ST7: variants seen among roughly 807,000 people sequenced by gnomAD.
ST7 encodes suppressor of tumorigenicity 7 protein.
ST7 carries 28 observed loss-of-function variants against 78.7 expected under a neutral mutation model. The observed-to-expected ratio is 0.36, with a 90% CI of 0.26 to 0.49. The LOEUF is 0.49. ST7 is among the 20% of genes least tolerant of loss of function. The pLI is 0.99. For missense variants in ST7, 418 were observed against 696.0 expected (o/e 0.60, Z 4.49); for synonymous variants, 247 against 249.6 (o/e 0.99, Z 0.10).
At chr7:117,201,104 C>G (rs559686027) in intron 12 of ST7, among the ~76,000 whole-genome samples, 3 of 152,140 alleles carry the variant, frequency 2.0e-5, no homozygotes, top group African/African-American at 7.2e-5. Context: ...TTTTAAAATG[C>G]TTGAAGCGTG....
chr7:116,966,191 T>C (rs1230484537), intron 1 of ST7: 3 of 341,066 alleles, frequency 8.8e-6, no homozygotes, highest in Non-Finnish European at 1.8e-5. Context: ...ATTACACTTA[T>C]TTGTTGCAGT....
At chr7:116,980,502 T>G (rs1739673280) in intron 1 of ST7, among the ~76,000 whole-genome samples, 1 of 152,168 alleles carries the variant, frequency 6.6e-6, no homozygotes, top group East Asian at 1.9e-4. Context: ...GCATCCTGGC[T>G]TGGAAGCCCC....
intron 1 of ST7, among the ~76,000 whole-genome samples, chr7:117,028,612 T>A (rs1317541129): frequency 6.6e-6 from 1 of 152,206 alleles, no homozygotes; most frequent in East Asian, 1.9e-4. Flanking sequence ...CTTGTGTTGG[T>A]ATAATGATGT....
intron 1 of ST7, among the ~76,000 whole-genome samples, chr7:116,971,256 G>C (rs1477636440): frequency 2.0e-5 from 3 of 152,186 alleles, no homozygotes; most frequent in Non-Finnish European, 2.9e-5. Flanking sequence ...GATTTCTGCA[G>C]CACTGACTGA....
intron 10 of ST7, among the ~76,000 whole-genome samples, chr7:117,182,921 C>A (rs961760450): frequency 2.0e-5 from 3 of 152,118 alleles, no homozygotes; most frequent in African/African-American, 7.2e-5. Flanking sequence ...CATCTTAATT[C>A]TTGAAAGATT....
intron 1 of ST7, among the ~76,000 whole-genome samples, chr7:116,973,085 T>G (rs963899484): frequency 6.6e-6 from 1 of 152,078 alleles, no homozygotes; most frequent in Non-Finnish European, 1.5e-5. Flanking sequence ...TTTATTTCAT[T>G]GTTCACATTT....
In ST7 at chr7:116,955,076, G is replaced by A. The variant is rs77466317; in HGVS notation, c.151+1385G>A. 2,617 of 469,824 alleles carry A rather than the reference G, an allele frequency of 5.6e-3. 113 individuals carry two copies. In the East Asian group the frequency reaches 0.11, roughly 20 times the overall value. The allele number at this position is 469,824 out of a possible 1,614,324, so 29.1% of individuals were successfully genotyped here. Reference sequence around the variant, plus strand: ...GCTCAGCCCTTTTGAGTCTGTCATCGGAAAGACCATGGCTTTCTCGCTTTT... The same window carrying A: ...GCTCAGCCCTTTTGAGTCTGTCATCAGAAAGACCATGGCTTTCTCGCTTTT... On this transcript the variant is annotated intron_variant, in intron 1 of 15. Transcript: ENST00000323984.
chr7:117,099,074 A>AAAAG (rs1563080274), intron 1 of ST7, among the ~76,000 whole-genome samples: 5 of 149,400 alleles, frequency 3.3e-5, no homozygotes, highest in African/African-American at 9.8e-5. Context: ...AACAAAAAAA[A>AAAAG]AAGAAGAAGA....
chr7:117,079,306 G>A (rs1172079044), intron 1 of ST7, among the ~76,000 whole-genome samples: 3 of 152,134 alleles, frequency 2.0e-5, no homozygotes, highest in Non-Finnish European at 4.4e-5. Context: ...ACAGACTTGA[G>A]CATCCTCTGC....
intron 1 of ST7, among the ~76,000 whole-genome samples, chr7:117,077,263 G>A (rs1031335918): frequency 2.0e-5 from 3 of 152,126 alleles, no homozygotes; most frequent in Non-Finnish European, 4.4e-5. Context: ...TTTAGGAAAA[G>A]GGAACATTTG....
intron 10 of ST7, among the ~76,000 whole-genome samples, chr7:117,180,804 T>C (rs562718645): frequency 6.6e-6 from 1 of 152,184 alleles, no homozygotes; most frequent in South Asian, 2.1e-4. Flanking sequence ...TGTGAACCAC[T>C]ATGCCTGGCC....
chr7:117,065,199 C>T (rs1366673764), intron 1 of ST7, among the ~76,000 whole-genome samples: 3 of 136,068 alleles, frequency 2.2e-5, no homozygotes, highest in African/African-American at 8.0e-5. Context: ...CTTTTTGGTT[C>T]AAGTCTTTTT....
At chr7:117,107,441 T>A (rs1460655615) in intron 2 of ST7, among the ~76,000 whole-genome samples, 2 of 152,070 alleles carry the variant, frequency 1.3e-5, no homozygotes, top group Non-Finnish European at 2.9e-5. Flanking sequence ...ATTTTTTTAC[T>A]TTTTATTATG....
chr7:116,982,220 GTT>G (rs1793991808), intron 1 of ST7, among the ~76,000 whole-genome samples: 1 of 151,836 alleles, frequency 6.6e-6, no homozygotes, highest in African/African-American at 2.4e-5. Context: ...CTTCTTTTTT[GTT>G]TTGTTTTGTT....
At chr7:117,057,386 G>A (rs916397665) in intron 1 of ST7, among the ~76,000 whole-genome samples, 1 of 152,042 alleles carries the variant, frequency 6.6e-6, no homozygotes, top group African/African-American at 2.4e-5. Flanking sequence ...TTTTCACATG[G>A]TGCTCAACCT....
At chr7:117,057,643 G>A (rs1798130760) in intron 1 of ST7, among the ~76,000 whole-genome samples, 1 of 152,066 alleles carries the variant, frequency 6.6e-6, no homozygotes, top group Non-Finnish European at 1.5e-5. Flanking sequence ...TAGATATTAA[G>A]CTATTTCAGA....
At chr7:117,228,503 G>T (rs555175460) in intron 15 of ST7, among the ~76,000 whole-genome samples, 29 of 152,280 alleles carry the variant, frequency 1.9e-4, no homozygotes, top group South Asian at 6.2e-4. Context: ...TGCATTATAT[G>T]GATCTCGCAT....
chr7:116,995,031 T>C (rs1174871696), intron 1 of ST7, among the ~76,000 whole-genome samples: 1 of 152,026 alleles, frequency 6.6e-6, no homozygotes, highest in African/African-American at 2.4e-5. Flanking sequence ...GGTAGGAGAT[T>C]GGGGGACTTA....
intron 1 of ST7, among the ~76,000 whole-genome samples, chr7:117,041,918 A>G (rs1379289879): frequency 2.0e-5 from 3 of 152,208 alleles, no homozygotes; most frequent in East Asian, 1.9e-4. Context: ...TGTAATCACA[A>G]GGGTCCTTAA....
Sources: gnomAD v4.1 joint callset for allele counts (sites outside exome capture counted in the v4.1 genomes callset) on GRCh38, gnomAD v4.1.1 for gene constraint, MANE v1.5 for transcripts, NCBI Gene and HGNC (gene_info 2026-07-23, HGNC 2026-07-21) for gene names.